The following IQSEC1 variants were observed in gnomAD, a reference collection of about 807,000 sequenced individuals.
IQSEC1 encodes the protein IQ motif and SEC7 domain-containing protein 1.
In IQSEC1, 31 loss-of-function variants were observed where a neutral mutation model predicts 91.0. That is an observed-to-expected ratio of 0.34 (90% CI 0.26 to 0.46). The LOEUF (loss-of-function observed/expected upper bound fraction) is 0.46, where lower values mean the gene tolerates loss of function less well. Among genes scored for constraint, IQSEC1 ranks in the 20% least tolerant of loss-of-function variants. The pLI, the probability that IQSEC1 is intolerant of heterozygous loss-of-function variation, is 1.00. For missense variants in IQSEC1, 1,388 were observed against 1,575.6 expected (o/e 0.88, Z 2.02); for synonymous variants, 699 against 662.6 (o/e 1.05, Z -0.84).
At chr3:13,203,839 A>G (rs913341009) in intron 1 of IQSEC1, among the ~76,000 whole-genome samples, 2 of 152,160 alleles carry the variant, frequency 1.3e-5, no homozygotes, top group Non-Finnish European at 2.9e-5. Flanking sequence ...GGTTCCTCAC[A>G]TTTACTGAGC....
intron 1 of IQSEC1, among the ~76,000 whole-genome samples, chr3:12,981,035 A>G (rs1030074361): frequency 3.9e-5 from 6 of 152,172 alleles, no homozygotes; most frequent in African/African-American, 1.2e-4. Context: ...CTGCAACCCA[A>G]GTGTCCTGAG....
intron 2 of IQSEC1, among the ~76,000 whole-genome samples, chr3:13,143,647 G>A (rs2124942948): frequency 6.6e-6 from 1 of 152,354 alleles, no homozygotes; most frequent in South Asian, 2.1e-4. Context: ...ATCAGGTGGT[G>A]AGGGTCAGGG....
intron 12 of IQSEC1, among the ~76,000 whole-genome samples, chr3:12,905,414 CAGAAA>C (rs1488452460): frequency 3.2e-4 from 48 of 152,268 alleles, no homozygotes; most frequent in Non-Finnish European, 1.8e-4. Context: ...GTGACCATAA[CAGAAA>C]TGATAGCTAT....
In IQSEC1 at chr3:12,899,248, C is replaced by A; in HGVS notation, c.*1735G>T. On this transcript the variant is annotated 3_prime_UTR_variant, in exon 14 of 14. Coordinates refer to ENST00000613206, the MANE Select transcript of IQSEC1 (RefSeq NM_001134382.3). The stretch of plus-strand genomic sequence containing the variant: ...CACAGCCAGAGGGGGCTCCCCTCTC[C>A]TCCTGCCGTCCGGCCACGGCTCACC... The A allele has an allele frequency of 1.1e-6, 1 of 924,398 alleles. No homozygotes were observed. Among genetic ancestry groups the A allele is most frequent in the East Asian group, 2.7e-5 (1 of 37,178 alleles). The allele number at this position is 924,398 out of a possible 1,614,324, so 57.3% of individuals were successfully genotyped here.
chr3:13,265,631 A>G (rs1695475536), intron 1 of IQSEC1, among the ~76,000 whole-genome samples: 1 of 152,140 alleles, frequency 6.6e-6, no homozygotes, highest in African/African-American at 2.4e-5. Context: ...GCAAGCTCAC[A>G]GCCCCCTCAT....
chr3:12,998,088 ACCTGTAATT>A (rs1247428159), intron 1 of IQSEC1, among the ~76,000 whole-genome samples: 1 of 152,210 alleles, frequency 6.6e-6, no homozygotes, highest in African/African-American at 2.4e-5. Context: ...AGTGGCTCAT[ACCTGTAATT>A]CCAGCACTTT....
intron 1 of IQSEC1, among the ~76,000 whole-genome samples, chr3:13,071,153 G>T (rs2349036): frequency 0.1 from 9,356 of 90,008 alleles, 820 homozygotes; most frequent in African/African-American, 0.24. Context: ...GTTTTTTTTT[G>T]TTTTTTTTTT....
chr3:12,936,257 C>T lies in IQSEC1; in HGVS notation c.759G>A (p.Glu253=). The T allele has an allele frequency of 6.2e-7, 1 of 1,613,314 alleles. No homozygotes were observed. The highest frequency in any genetic ancestry group is 8.5e-7 in the Non-Finnish European group (1 of 1,179,998). Residue 253 remains glutamate (E), a synonymous_variant, in exon 3 of 14, where the codon GAG becomes GAA. Transcript: ENST00000613206. The part of the protein sequence containing the change: ...ALNCRSLHTE[E]APALDAARAR... Reference sequence around the variant, plus strand: ...CCCGCGCCGCATCCAGGGCCGGTGCCTCCTCAGTGTGCAGGCTGCGGCAGT... The same window carrying T: ...CCCGCGCCGCATCCAGGGCCGGTGCTTCCTCAGTGTGCAGGCTGCGGCAGT...
intron 2 of IQSEC1, among the ~76,000 whole-genome samples, chr3:13,162,934 G>A (rs930732098): frequency 2.7e-5 from 4 of 147,910 alleles, no homozygotes; most frequent in Non-Finnish European, 6.0e-5. Context: ...ACTCTTGCCA[G>A]CCCAAGTGCA....
chr3:13,000,196 T>G, intron 1 of IQSEC1, among the ~76,000 whole-genome samples: 1 of 152,104 alleles, frequency 6.6e-6, no homozygotes, highest in Non-Finnish European at 1.5e-5. Flanking sequence ...GGTAGTTCAG[T>G]GAAAAAGAAA....
intron 1 of IQSEC1, among the ~76,000 whole-genome samples, chr3:13,219,448 G>T (rs1376061605): frequency 1.3e-5 from 2 of 152,214 alleles, no homozygotes; most frequent in Non-Finnish European, 2.9e-5. Flanking sequence ...GGCCCTGGTG[G>T]CCCCAAATTG....
chr3:13,115,589 G>A (rs1363436025), intron 2 of IQSEC1, among the ~76,000 whole-genome samples: 2 of 152,158 alleles, frequency 1.3e-5, no homozygotes, highest in South Asian at 2.1e-4. Flanking sequence ...ACAAGAATAC[G>A]TTGTCTCACT....
intron 1 of IQSEC1, among the ~76,000 whole-genome samples, chr3:13,049,392 T>C (rs1704608301): frequency 6.6e-6 from 1 of 152,188 alleles, no homozygotes; most frequent in South Asian, 2.1e-4. Flanking sequence ...GGCCACATCA[T>C]GACAAACTAG....
chr3:13,070,410 A>G (rs1483259468), intron 1 of IQSEC1, among the ~76,000 whole-genome samples: 1 of 152,240 alleles, frequency 6.6e-6, no homozygotes, highest in Non-Finnish European at 1.5e-5. Context: ...TAGTGGCTAC[A>G]GTGCAACTGT....
At chr3:13,278,141 A>C (rs1017663830) in intron 1 of IQSEC1, among the ~76,000 whole-genome samples, 3 of 152,178 alleles carry the variant, frequency 2.0e-5, no homozygotes, top group African/African-American at 7.2e-5. Context: ...CCTCCCCCGG[A>C]GTGAGTCACC....
intron 10 of IQSEC1, among the ~76,000 whole-genome samples, chr3:12,910,620 G>A (rs927236047): frequency 1.3e-5 from 2 of 152,220 alleles, no homozygotes; most frequent in African/African-American, 4.8e-5. Flanking sequence ...CATGCCCCTT[G>A]TTGGGCACGT....
chr3:13,229,896 T>A (rs953258965), intron 1 of IQSEC1, among the ~76,000 whole-genome samples: 2 of 152,158 alleles, frequency 1.3e-5, no homozygotes, highest in African/African-American at 4.8e-5. Flanking sequence ...ATATGTCAAG[T>A]AAGAATAAAA....
Position 13,219,577 on chromosome 3 carries a change from G to A in IQSEC1, c.273-55444C>T, listed in dbSNP as rs943068593. Among the ~76,000 whole-genome samples the A allele has an allele frequency of 2.0e-5, 3 of 152,254 alleles. 1 individual carries two copies. In the East Asian group the frequency reaches 5.8e-4, roughly 29 times the overall value. ...GCCACTTCACCAACACCCACCCGGCGGTCTTCGGGGATCAGCGGAGGTGTG... is the reference window on the plus strand; with the variant it reads ...GCCACTTCACCAACACCCACCCGGCAGTCTTCGGGGATCAGCGGAGGTGTG... On this transcript the variant is annotated intron_variant, in intron 1 of 15. Coordinates refer to the IQSEC1 transcript ENST00000648114.
rs1456667072 is a variant in IQSEC1, at chr3:12,897,086, C to T, written c.*3897G>A. The T allele has an allele frequency of 6.6e-6, 1 of 152,176 alleles. No individual in the cohort carries two copies. The highest frequency in any genetic ancestry group is 6.5e-5 in the Admixed American group (1 of 15,280). 9.4% of individuals were successfully genotyped at this position (152,176 alleles called of 1,614,324 possible). ...TTTATTTTAAATTTTGTATCAGTGT[C>T]CTCAGTCAGTCCAATGTCTTCAAGG... On this transcript the variant is annotated 3_prime_UTR_variant, in exon 14 of 14. Coordinates refer to ENST00000613206, the MANE Select transcript of IQSEC1 (RefSeq NM_001134382.3).
Sources: gnomAD v4.1 joint callset for allele counts (sites outside exome capture counted in the v4.1 genomes callset) on GRCh38, gnomAD v4.1.1 for gene constraint, MANE v1.5 for transcripts, NCBI Gene and HGNC (gene_info 2026-07-23, HGNC 2026-07-21) for gene names.